TNFRSF21: variants seen among roughly 807,000 people sequenced by gnomAD.
TNFRSF21 encodes TNF receptor superfamily member 21.
In TNFRSF21, 19 loss-of-function variants were observed where a neutral mutation model predicts 45.6. That is an observed-to-expected ratio of 0.42 (90% CI 0.29 to 0.61). TNFRSF21 has a LOEUF of 0.61. Among genes scored for constraint, TNFRSF21 ranks in the 20% least tolerant of loss-of-function variants. TNFRSF21 has a pLI of 0.23. For synonymous variants in TNFRSF21, 314 were observed against 335.5 expected (o/e 0.94, Z 0.70); for missense variants, 737 against 851.5 (o/e 0.87, Z 1.67).
At chr6:47,263,727 C>A (rs770246370) in intron 3 of TNFRSF21, among the ~76,000 whole-genome samples, 46 of 152,200 alleles carry the variant, frequency 3.0e-4, no homozygotes, top group Non-Finnish European at 5.7e-4. Context: ...GGTGAGACTG[C>A]AGCTGAAAGA....
chr6:47,301,054 A>G (rs1762859358), intron 1 of TNFRSF21, among the ~76,000 whole-genome samples: 1 of 152,228 alleles, frequency 6.6e-6, no homozygotes, highest in African/African-American at 2.4e-5. Context: ...AGAGAATTCT[A>G]CACCCACTAG....
intron 4 of TNFRSF21, among the ~76,000 whole-genome samples, chr6:47,238,057 A>C (rs1289548511): frequency 6.6e-6 from 1 of 152,250 alleles, no homozygotes; most frequent in Non-Finnish European, 1.5e-5. Flanking sequence ...CTCAAAAAAA[A>C]AGAAAGAAAA....
At chr6:47,286,680 C>T (rs1762654513) in intron 1 of TNFRSF21, 85 bp from the exon 2 acceptor site, 3 of 1,359,094 alleles carry the variant, frequency 2.2e-6, no homozygotes, top group Admixed American at 2.5e-5. Flanking sequence ...CCAACAATTC[C>T]AGCACCACCA....
At chr6:47,263,447 A>C (rs928241238) in intron 3 of TNFRSF21, among the ~76,000 whole-genome samples, 1 of 152,162 alleles carries the variant, frequency 6.6e-6, no homozygotes, top group Non-Finnish European at 1.5e-5. Flanking sequence ...GAGTGTGTAC[A>C]TTGAAAAGAG....
At chr6:47,264,705 G>T (rs1248720247) in intron 3 of TNFRSF21, among the ~76,000 whole-genome samples, 2 of 152,070 alleles carry the variant, frequency 1.3e-5, no homozygotes, top group Non-Finnish European at 2.9e-5. Context: ...AACAGTTTTG[G>T]GTGCTTTATA....
In TNFRSF21 at chr6:47,284,169, G is replaced by A. The variant is rs1182297638; in HGVS notation, c.1012C>T (p.Gln338Ter). Reference protein sequence around the residue: ...IKGPKRGHPRQNLHKHFDINE... With the variant: ...IKGPKRGHPR ...ATGTCAAAATGCTTGTGTAGGTTCT[G>A]TCTAGGATGTCCCCTCTTGGGGCCC... Residue 338 changes from glutamine to a stop codon, truncating the protein, a stop_gained, in exon 3 of 6, where the codon CAG becomes TAG. Transcript: ENST00000296861. LOFTEE classifies it high-confidence loss of function. 1 of 1,614,230 alleles carries A rather than the reference G, an allele frequency of 6.2e-7. No homozygotes were observed. The highest frequency in any genetic ancestry group is 1.1e-5 in the South Asian group (1 of 91,080).
At chr6:47,272,821 A>T (rs558000293) in intron 3 of TNFRSF21, among the ~76,000 whole-genome samples, 88 of 152,328 alleles carry the variant, frequency 5.8e-4, no homozygotes, top group Admixed American at 1.3e-3. Context: ...ATAAAAAATG[A>T]TAAAAGGGAT....
chr6:47,236,272 A>G (rs1014270237), intron 4 of TNFRSF21, among the ~76,000 whole-genome samples: 11 of 152,148 alleles, frequency 7.2e-5, no homozygotes, highest in African/African-American at 1.4e-4. Context: ...CGGCATGGAT[A>G]AAAAAACCTG....
chr6:47,269,826 C>T (rs940839355), intron 3 of TNFRSF21, among the ~76,000 whole-genome samples: 17 of 152,158 alleles, frequency 1.1e-4, no homozygotes, highest in Non-Finnish European at 1.6e-4. Flanking sequence ...TGGACAAGAG[C>T]GCTGCCTGGG....
chr6:47,244,270 C>G (rs908573009), intron 4 of TNFRSF21, among the ~76,000 whole-genome samples: 1 of 146,336 alleles, frequency 6.8e-6, no homozygotes, highest in Non-Finnish European at 1.5e-5. Context: ...CTTGCAGTGA[C>G]CCGAGATGGC....
At chr6:47,233,466 A>C (rs1392000456) in intron 5 of TNFRSF21, among the ~76,000 whole-genome samples, 1 of 152,184 alleles carries the variant, frequency 6.6e-6, no homozygotes, top group Non-Finnish European at 1.5e-5. Flanking sequence ...AAATTCCAAG[A>C]CAATGTAGTC....
At position 47,253,427 on chromosome 6, in the gene TNFRSF21, A is replaced by C; in HGVS notation, c.1338T>G (p.Ala446=). The change falls in exon 4 of 6, where the codon GCT becomes GCG. Residue 446 remains alanine, a synonymous_variant. Coordinates refer to ENST00000296861, the MANE Select transcript of TNFRSF21 (RefSeq NM_014452.5). ...FLCNASEREV[A]AFSNGYTADH... is the part of the protein sequence containing the mutation. ...CGGCTGTGTACCCATTGGAGAAAGC[A>C]GCAACCTCCCTCTCACTGGCATTGC... The C allele has an allele frequency of 6.2e-7, 1 of 1,614,214 alleles. No homozygotes were observed. The highest frequency in any genetic ancestry group is 8.5e-7 in the Non-Finnish European group (1 of 1,180,040).
Position 47,232,632 on chromosome 6 carries a change from CACA to C in TNFRSF21, c.*130_*132del. 1.5e-6 allele frequency: 1 copy of C among 670,992 alleles called. No homozygotes were observed. Among genetic ancestry groups the C allele is most frequent in the Non-Finnish European group, 2.5e-6 (1 of 397,636 alleles). 41.6% of individuals were successfully genotyped at this position (670,992 alleles called of 1,614,324 possible). On this transcript the variant is annotated 3_prime_UTR_variant, in exon 6 of 6. Transcript: ENST00000296861. ...GGCCATATTCTCTGTTAAACACACACACACACACACACACACACACACACACAA... is the reference window on the plus strand; with the variant it reads ...GGCCATATTCTCTGTTAAACACACACCACACACACACACACACACACACAA...
chr6:47,276,448 C>T (rs189098477), intron 3 of TNFRSF21, among the ~76,000 whole-genome samples: 1 of 152,284 alleles, frequency 6.6e-6, no homozygotes, highest in East Asian at 1.9e-4. Context: ...TCGAGAAAGC[C>T]TCCAAGAATC....
rs560973910 is a variant in TNFRSF21, at chr6:47,264,471, C to T, written c.1244-10950G>A. ...CAGAGGTTGCAGTGAGCTGAGATCG[C>T]GCCACTGCACTCCAGCCTGGGCGAC... On this transcript the variant is annotated intron_variant, in intron 3 of 5. Coordinates refer to ENST00000296861, the MANE Select transcript of TNFRSF21 (RefSeq NM_014452.5). Among the ~76,000 whole-genome samples the T allele has an allele frequency of 9.7e-5, 13 of 133,982 alleles. No individual in the cohort carries two copies. In the South Asian group the frequency reaches 1.8e-3, roughly 19 times the overall value. The allele number at this position is 133,982 out of a possible 152,430, so 87.9% of individuals were successfully genotyped here.
At chr6:47,245,458 T>TGTGTTTGTG (rs1764811193) in intron 4 of TNFRSF21, among the ~76,000 whole-genome samples, 8 of 107,862 alleles carry the variant, frequency 7.4e-5, no homozygotes, top group African/African-American at 3.1e-4. Flanking sequence ...GTGTGTGTGT[T>TGTGTTTGTG]TGTGTGTGTG....
intron 3 of TNFRSF21, among the ~76,000 whole-genome samples, chr6:47,283,126 G>A (rs1421158690): frequency 6.6e-6 from 1 of 152,112 alleles, no homozygotes; most frequent in African/African-American, 2.4e-5. Flanking sequence ...TATCAAAACT[G>A]GGCTGAAGTT....
intron 1 of TNFRSF21, among the ~76,000 whole-genome samples, chr6:47,290,954 T>C (rs548410172): frequency 5.3e-5 from 8 of 152,272 alleles, no homozygotes; most frequent in Admixed American, 5.2e-4. Context: ...AAAAAAAGAA[T>C]ACACCAGTAA....
At chr6:47,294,718 A>G (rs10085255) in intron 1 of TNFRSF21, among the ~76,000 whole-genome samples, 40 of 151,972 alleles carry the variant, frequency 2.6e-4, no homozygotes, top group African/African-American at 9.6e-4. Flanking sequence ...GAGGGGGGCC[A>G]GGGGTTCTCA....
Sources: gnomAD v4.1 joint callset for allele counts (sites outside exome capture counted in the v4.1 genomes callset) on GRCh38, gnomAD v4.1.1 for gene constraint, MANE v1.5 for transcripts, NCBI Gene and HGNC (gene_info 2026-07-23, HGNC 2026-07-21) for gene names.